Variants in DGKZ observed in about 807,000 individuals in gnomAD.
DGKZ encodes diacylglycerol kinase zeta, also known as DAG kinase zeta.
DGKZ carries 45 observed loss-of-function variants against 142.5 expected under a neutral mutation model. That is an observed-to-expected ratio of 0.32 (90% CI 0.25 to 0.40). The LOEUF (loss-of-function observed/expected upper bound fraction) is 0.40, where lower values mean the gene tolerates loss of function less well. Among genes scored for constraint, DGKZ ranks in the 10% least tolerant of loss-of-function variants. The probability of loss-of-function intolerance (pLI) is 1.00; values close to 1 mark genes in which losing one functional copy is unlikely to be tolerated. For missense variants in DGKZ, 755 were observed against 1,306.5 expected (o/e 0.58, Z 6.51); for synonymous variants, 442 against 527.0 (o/e 0.84, Z 2.21).
intron 1 of DGKZ, chr11:46,365,085 G>C: frequency 3.0e-6 from 3 of 985,428 alleles, no homozygotes; most frequent in Non-Finnish European, 3.6e-6. Flanking sequence ...TGTGAAGAAG[G>C]GTAGGCAGGG....
In DGKZ at chr11:46,367,548, G is replaced by A; in HGVS notation, c.271-104G>A. On this transcript the variant is annotated intron_variant, in intron 2 of 30. Transcript: ENST00000527911. This position sits in a 1 kb window ranked among gnomAD's most constrained non-coding sequence, Gnocchi z 4.1. ...GACGGAACAGAGCAGGGTCGATCGGGGCGCTGGAGTGGGTTTGTCTTGGGA... is the reference window on the plus strand; with the variant it reads ...GACGGAACAGAGCAGGGTCGATCGGAGCGCTGGAGTGGGTTTGTCTTGGGA... 7.9e-7 allele frequency: 1 copy of A among 1,273,146 alleles called. No individual in the cohort carries two copies. The allele number at this position is 1,273,146 out of a possible 1,614,324, so 78.9% of individuals were successfully genotyped here. A position where few individuals can be genotyped will look rare whatever the true frequency, so the allele number is the denominator to read the frequency against.
intron 5 of DGKZ, 52 bp from the exon 6 acceptor site, chr11:46,369,889 C>A: frequency 6.3e-7 from 1 of 1,595,718 alleles, no homozygotes; most frequent in Non-Finnish European, 8.6e-7. Context: ...GTCCTCAGGA[C>A]TGTGCCCCTG....
At position 46,379,254 on chromosome 11, in the gene DGKZ, G is replaced by A. The variant is rs771539985; in HGVS notation, c.2573+18G>A. 4 of 1,613,144 alleles carry A rather than the reference G, an allele frequency of 2.5e-6. No homozygotes were observed. The highest frequency in any genetic ancestry group is 3.4e-6 in the Non-Finnish European group (4 of 1,179,902). ...GAGGAAAAGTAAGTATCTGGGCAGT[G>A]CAGAACCGTGGTCACCCCGGAAACC... On this transcript the variant is annotated intron_variant, in intron 29 of 30. Coordinates refer to ENST00000527911, the Ensembl canonical transcript of DGKZ.
At chr11:46,355,810 G>A (rs549715560) in intron 1 of DGKZ, among the ~76,000 whole-genome samples, 43 of 152,156 alleles carry the variant, frequency 2.8e-4, no homozygotes, top group African/African-American at 9.6e-4. Flanking sequence ...GCAATGGCGC[G>A]GTCTCGGCTC....
At position 46,372,604 on chromosome 11, in the gene DGKZ, C is replaced by T; in HGVS notation, c.1011-13C>T. The T allele has an allele frequency of 6.2e-7, 1 of 1,613,852 alleles. No individual in the cohort carries two copies. Among genetic ancestry groups the T allele is most frequent in the Non-Finnish European group, 8.5e-7 (1 of 1,179,968 alleles). On this transcript the variant is annotated splice_polypyrimidine_tract_variant and intron_variant, in intron 11 of 30. Coordinates refer to ENST00000527911, the Ensembl canonical transcript of DGKZ. The surrounding 1 kb of genome is among the most constrained non-coding windows in gnomAD (Gnocchi z 5.9). ...CATCCCCTGACCCCACTGCCATCTT[C>T]CCATGAGCCCAGGCTGGAGATGTAC... is the stretch of plus-strand genomic sequence containing the variant.
At chr11:46,355,592 G>A (rs1244498361) in intron 1 of DGKZ, among the ~76,000 whole-genome samples, 1 of 152,178 alleles carries the variant, frequency 6.6e-6, no homozygotes, top group African/African-American at 2.4e-5. Flanking sequence ...GCTGGTCAGA[G>A]GCAGATCCTC....
rs116627533 is a variant in DGKZ, at chr11:46,366,370, C to T, written c.162-921C>T. ...CAGGCAAGGCCCGGCGTCGCTCCCC[C>T]GCTGGGCAGGCCTCCTCCTCACTGG... On this transcript the variant is annotated intron_variant, in intron 1 of 30. Coordinates refer to ENST00000527911, the Ensembl canonical transcript of DGKZ. The T allele has an allele frequency of 5.4e-4, 828 of 1,520,998 alleles. 3 individuals carry two copies. In the African/African-American group the frequency reaches 9.5e-3, roughly 17 times the overall value. 94.2% of individuals were successfully genotyped at this position (1,520,998 alleles called of 1,614,324 possible).
At chr11:46,362,225 C>T (rs1239152102) in intron 1 of DGKZ, among the ~76,000 whole-genome samples, 4 of 152,174 alleles carry the variant, frequency 2.6e-5, no homozygotes, top group Non-Finnish European at 4.4e-5. Flanking sequence ...GAGCAGAAGG[C>T]GGACGAGGCC....
chr11:46,366,240 A>C, intron 1 of DGKZ: 4 of 1,558,060 alleles, frequency 2.6e-6, no homozygotes, highest in Non-Finnish European at 3.4e-6. Context: ...TCTGTGCCCA[A>C]CAGCCAACCG....
chr11:46,367,068 C>T lies in DGKZ; in HGVS notation c.162-223C>T. On this transcript the variant is annotated intron_variant, in intron 1 of 30. Transcript: ENST00000527911. This position sits in a 1 kb window ranked among gnomAD's most constrained non-coding sequence, Gnocchi z 4.1. ...GCATGGGCCTTGAAGCTCTGCCTGG[C>T]TGAGGGTTCCCCACTTGGGAACACT... is the stretch of plus-strand genomic sequence containing the variant. 1 of 1,442,776 alleles carries T rather than the reference C, an allele frequency of 6.9e-7. No homozygotes were observed. The highest frequency in any genetic ancestry group is 9.2e-7 in the Non-Finnish European group (1 of 1,086,640). 89.4% of individuals were successfully genotyped at this position (1,442,776 alleles called of 1,614,324 possible).
intron 14 of DGKZ, 34 bp from the exon 15 acceptor site, chr11:46,374,123 C>T (rs765915393): frequency 3.7e-6 from 6 of 1,606,658 alleles, no homozygotes; most frequent in Non-Finnish European, 5.1e-6. Flanking sequence ...TTGTGAGGCC[C>T]AGCCCTCATT....
At chr11:46,379,608 C>T (rs1479072995) in intron 30 of DGKZ, 40 bp downstream of exon 30, 2 of 1,540,700 alleles carry the variant, frequency 1.3e-6, no homozygotes, top group Non-Finnish European at 1.8e-6. Context: ...AGGGCACCAA[C>T]CAAACCTTTC....
exon 27 of DGKZ, chr11:46,378,464 G>A (rs1457136776): frequency 6.2e-7 from 1 of 1,604,434 alleles, no homozygotes. Context: ...CAGGTGAAGA[G>A]CTGATTGAGG....
At chr11:46,369,188 CAA>C in intron 4 of DGKZ, 5 of 415,322 alleles carry the variant, frequency 1.2e-5, no homozygotes, top group East Asian at 4.7e-5. Context: ...AAAACAAAAA[CAA>C]AAAAAAAACA....
rs754280909 is a variant in DGKZ, at chr11:46,368,022, A to G, written c.387A>G (p.Arg129=). The G allele has an allele frequency of 5.0e-6, 8 of 1,613,860 alleles. 1 individual carries two copies. Among genetic ancestry groups the G allele is most frequent in the Non-Finnish European group, 5.9e-6 (7 of 1,180,006 alleles). Residue 129 remains arginine (R), a synonymous_variant, in exon 4 of 31, where the codon AGA becomes AGG. Coordinates refer to ENST00000527911, the Ensembl canonical transcript of DGKZ. ...TGCAGCAGAAGTCAGTGTCTCGAAGAAAGTGCGCAGCCTGCAAGATTGTGG... is the reference window on the plus strand; with the variant it reads ...TGCAGCAGAAGTCAGTGTCTCGAAGGAAGTGCGCAGCCTGCAAGATTGTGG...
Position 46,367,305 on chromosome 11 carries a change from A to C in DGKZ, c.176A>C (p.Lys59Thr), listed in dbSNP as rs776575197. ...CTCCTCTCTAGGAAAGCCATCACCA[A>C]GTCGGGCCTCCAGCACCTGGCCCCC... The change falls in exon 2 of 31, where the codon AAG becomes ACG. Residue 59 changes from lysine (K) to threonine (T), a missense_variant. This residue lies in a region of DGKZ where 81 missense variants were observed against 86.5 expected (regional missense o/e 0.94). Coordinates refer to ENST00000527911, the Ensembl canonical transcript of DGKZ. This position sits in a 1 kb window ranked among gnomAD's most constrained non-coding sequence, Gnocchi z 4.1. 58 of 1,612,020 alleles carry C rather than the reference A, an allele frequency of 3.6e-5. No homozygotes were observed. In the East Asian group the frequency reaches 1.2e-3, roughly 32 times the overall value.
chr11:46,347,490 G>T lies in DGKZ; in HGVS notation c.-170G>T. ...CACTTCCTGGAGCGGCGGCGGCAGC[G>T]GCTTCCCGGGCACCTGGGCGTGGGG... On this transcript the variant is annotated 5_prime_UTR_variant, in exon 1 of 31. Coordinates refer to ENST00000527911, the Ensembl canonical transcript of DGKZ. The surrounding 1 kb of genome is among the most constrained non-coding windows in gnomAD (Gnocchi z 6.4). 2.0e-6 allele frequency: 2 copies of T among 982,300 alleles called. No homozygotes were observed. Among genetic ancestry groups the T allele is most frequent in the Non-Finnish European group, 2.4e-6 (2 of 828,868 alleles). The allele number at this position is 982,300 out of a possible 1,614,324, so 60.8% of individuals were successfully genotyped here.
intron 9 of DGKZ, 121 bp downstream of exon 9, chr11:46,371,896 G>A (rs751311225): frequency 1.8e-4 from 236 of 1,321,286 alleles, no homozygotes; most frequent in Non-Finnish European, 2.2e-4. Context: ...TGGGCTCTGG[G>A]GCCTCTGAGG....
chr11:46,361,176 G>A (rs181355205), intron 1 of DGKZ, among the ~76,000 whole-genome samples: 102 of 152,362 alleles, frequency 6.7e-4, no homozygotes, highest in African/African-American at 2.3e-3. Flanking sequence ...GTCTGGAGCC[G>A]GTGTGATTAG....
Sources: gnomAD v4.1 joint callset for allele counts (sites outside exome capture counted in the v4.1 genomes callset) on GRCh38, gnomAD v4.1.1 for gene constraint, gnomAD v4.1.1 regional missense constraint, Gnocchi (gnomAD v3.1) non-coding constraint, MANE v1.5 for transcripts, NCBI Gene and HGNC (gene_info 2026-07-23, HGNC 2026-07-21) for gene names.